TNS3: variants seen among roughly 807,000 people sequenced by gnomAD.
TNS3 encodes tensin-3.
In TNS3, 45 loss-of-function variants were observed where a neutral mutation model predicts 140.9. That is an observed-to-expected ratio of 0.32 (90% confidence interval 0.25 to 0.41). TNS3 has a LOEUF of 0.41. Among genes scored for constraint, TNS3 ranks in the 10% least tolerant of loss-of-function variants. The probability of loss-of-function intolerance (pLI) is 1.00; values close to 1 mark genes in which losing one functional copy is unlikely to be tolerated. For synonymous variants in TNS3, 815 were observed against 788.4 expected, an observed-to-expected ratio of 1.03 and a Z score of -0.56; for missense variants, 1,716 against 1,906.7, an observed-to-expected ratio of 0.90 and a Z score of 1.86.
At chr7:47,319,604 T>C (rs1787611877) in intron 20 of TNS3, among the ~76,000 whole-genome samples, 1 of 151,482 alleles carries the variant, frequency 6.6e-6, no homozygotes, top group Non-Finnish European at 1.5e-5. Flanking sequence ...CTAAATCACA[T>C]AAGGCCCAGG....
intron 13 of TNS3, among the ~76,000 whole-genome samples, chr7:47,401,869 T>A (rs554411741): frequency 6.6e-6 from 1 of 152,362 alleles, no homozygotes; most frequent in African/African-American, 2.4e-5. Context: ...CCGAAGGCCC[T>A]GGACAGGCTG....
In TNS3 at chr7:47,537,914, C is replaced by T. The variant is rs561318365; in HGVS notation, c.-264-8767G>A. 2.6e-5 allele frequency among the ~76,000 whole-genome samples: 4 copies of T among 152,192 alleles called. No individual in the cohort carries two copies. In the East Asian group the frequency reaches 7.8e-4, roughly 30 times the overall value. On this transcript the variant is annotated intron_variant, in intron 1 of 30. Transcript: ENST00000311160. The stretch of plus-strand genomic sequence containing the variant: ...CAGGACCGCCCGGGGCCTTGCACAC[C>T]TGGGGGCTGGGCTGCACCTCCCTAT...
rs372654217 is a variant in TNS3, at chr7:47,279,957, C to G, written c.4193+207G>C. ...TTATATGACACATGTAAATATTGCACATCCAGCCAACAGCCGGCAGAAAAG... is the reference window on the plus strand; with the variant it reads ...TTATATGACACATGTAAATATTGCAGATCCAGCCAACAGCCGGCAGAAAAG... On this transcript the variant is annotated intron_variant, in intron 30 of 30. Coordinates refer to ENST00000311160, the MANE Select transcript of TNS3 (RefSeq NM_022748.12). 1,366 of 627,398 alleles carry G rather than the reference C, an allele frequency of 2.2e-3. 24 individuals carry two copies. The highest frequency in any genetic ancestry group is 0.015 in the South Asian group (776 of 50,172). 38.9% of individuals were successfully genotyped at this position (627,398 alleles called of 1,614,324 possible). A position where few individuals can be genotyped will look rare whatever the true frequency, so the allele number is the denominator to read the frequency against.
At chr7:47,356,534 A>G (rs1306580980) in intron 17 of TNS3, among the ~76,000 whole-genome samples, 1 of 152,220 alleles carries the variant, frequency 6.6e-6, no homozygotes, top group Non-Finnish European at 1.5e-5. Flanking sequence ...TGACTCCAAC[A>G]TGCAAGACAA....
chr7:47,561,514 ATT>A (rs2151998783), intron 1 of TNS3, among the ~76,000 whole-genome samples: 1 of 152,254 alleles, frequency 6.6e-6, no homozygotes, highest in East Asian at 1.9e-4. Context: ...ATTCAAAACC[ATT>A]GTTTCCCTCA....
intron 8 of TNS3, among the ~76,000 whole-genome samples, chr7:47,429,430 C>A (rs1401604350): frequency 6.6e-6 from 1 of 152,080 alleles, no homozygotes; most frequent in Non-Finnish European, 1.5e-5. Context: ...TGCAGTGGCA[C>A]AATCTCGGCT....
At chr7:47,397,027 C>G in intron 15 of TNS3, 123 bp from the exon 16 acceptor site, 3 of 690,030 alleles carry the variant, frequency 4.3e-6, no homozygotes, top group Non-Finnish European at 7.7e-6. Context: ...TCTCCATCCT[C>G]CACCCTCCTG....
At chr7:47,439,087 G>A (rs1047176033) in intron 6 of TNS3, among the ~76,000 whole-genome samples, 1 of 152,188 alleles carries the variant, frequency 6.6e-6, no homozygotes, top group African/African-American at 2.4e-5. Flanking sequence ...GGTTTCTTGG[G>A]TGCCCACCTA....
At chr7:47,431,907 T>C (rs1794947386) in intron 8 of TNS3, among the ~76,000 whole-genome samples, 1 of 152,098 alleles carries the variant, frequency 6.6e-6, no homozygotes, top group Non-Finnish European at 1.5e-5. Flanking sequence ...TAGCAATAAA[T>C]TGGATAACCT....
chr7:47,504,353 C>T (rs1302443074), intron 3 of TNS3, among the ~76,000 whole-genome samples: 1 of 152,188 alleles, frequency 6.6e-6, no homozygotes, highest in African/African-American at 2.4e-5. Flanking sequence ...ATGGGAGGAG[C>T]CTGTGACAAT....
chr7:47,400,773 T>C lies in TNS3; in HGVS notation c.853+12A>G, dbSNP rs1485900096. On this transcript the variant is annotated intron_variant, in intron 14 of 30. Transcript: ENST00000311160. ...TGCCCACAAGCACAGGGCCGCCAGCTCCGCGCCTCACCTTTGCTGGCATTG... is the reference window on the plus strand; with the variant it reads ...TGCCCACAAGCACAGGGCCGCCAGCCCCGCGCCTCACCTTTGCTGGCATTG... 7 of 1,613,352 alleles carry C rather than the reference T, an allele frequency of 4.3e-6. No homozygotes were observed. The highest frequency in any genetic ancestry group is 3.3e-5 in the Admixed American group (2 of 60,000).
chr7:47,474,282 C>T (rs111361260), intron 4 of TNS3, among the ~76,000 whole-genome samples: 1 of 112,394 alleles, frequency 8.9e-6, no homozygotes, highest in Non-Finnish European at 1.7e-5. Context: ...TCACACACAA[C>T]ACACACACAT....
intron 3 of TNS3, among the ~76,000 whole-genome samples, chr7:47,493,539 C>T (rs1189040197): frequency 6.6e-6 from 1 of 152,008 alleles, no homozygotes; most frequent in East Asian, 1.9e-4. Flanking sequence ...TGACAAGAGG[C>T]CGGGCGCGGT....
At chr7:47,455,841 C>A (rs917968974) in intron 4 of TNS3, among the ~76,000 whole-genome samples, 3 of 152,094 alleles carry the variant, frequency 2.0e-5, no homozygotes, top group Admixed American at 1.3e-4. Flanking sequence ...ACAAAGTGGG[C>A]GCCTGTGGCA....
intron 1 of TNS3, among the ~76,000 whole-genome samples, chr7:47,565,980 T>G (rs1800420391): frequency 6.6e-6 from 1 of 151,848 alleles, no homozygotes; most frequent in African/African-American, 2.4e-5. Context: ...CACATGGAAC[T>G]TTAAAGACAT....
intron 4 of TNS3, among the ~76,000 whole-genome samples, chr7:47,454,572 T>G (rs1452378679): frequency 1.3e-5 from 2 of 151,666 alleles, no homozygotes; most frequent in East Asian, 3.9e-4. Flanking sequence ...ACTCCCGCAT[T>G]TTACAATGGA....
intron 1 of TNS3, among the ~76,000 whole-genome samples, chr7:47,540,747 G>A (rs1017081623): frequency 1.3e-5 from 2 of 152,206 alleles, no homozygotes; most frequent in Non-Finnish European, 2.9e-5. Flanking sequence ...GAGAGGCAAG[G>A]GTGGTAAAGC....
intron 20 of TNS3, among the ~76,000 whole-genome samples, chr7:47,338,719 C>T (rs1788773118): frequency 6.6e-6 from 1 of 152,188 alleles, no homozygotes; most frequent in South Asian, 2.1e-4. Context: ...ATATGTCCCA[C>T]ATTTTCTTTA....
intron 20 of TNS3, among the ~76,000 whole-genome samples, chr7:47,316,094 T>TCTCTCTCTC (rs1787382001): frequency 1.9e-5 from 2 of 105,782 alleles, no homozygotes; most frequent in African/African-American, 3.5e-5. Context: ...AACTAACTAT[T>TCTCTCTCTC]TCTCTCTCTC....
Sources: gnomAD v4.1 joint callset for allele counts (sites outside exome capture counted in the v4.1 genomes callset) on GRCh38, gnomAD v4.1.1 for gene constraint, MANE v1.5 for transcripts, NCBI Gene and HGNC (gene_info 2026-07-23, HGNC 2026-07-21) for gene names.